Variants in TSPAN11 observed in about 807,000 individuals in gnomAD.
TSPAN11 encodes the protein tetraspanin-11.
Under a neutral mutation model 32.9 loss-of-function variants are expected in TSPAN11, and 29 were observed. The observed-to-expected ratio is 0.88, with a 90% CI of 0.66 to 1.20. TSPAN11 has a LOEUF of 1.20. TSPAN11 is among the 50% of genes most tolerant of loss of function. The probability of loss-of-function intolerance (pLI) is 0.00; values close to 1 mark genes in which losing one functional copy is unlikely to be tolerated. For missense variants in TSPAN11, 283 were observed against 329.1 expected (o/e 0.86, Z 1.08); for synonymous variants, 140 against 141.3 (o/e 0.99, Z 0.07).
intron 2 of TSPAN11, among the ~76,000 whole-genome samples, chr12:30,963,319 T>A (rs1336782802): frequency 6.6e-6 from 1 of 152,082 alleles, no homozygotes; most frequent in Non-Finnish European, 1.5e-5. Flanking sequence ...TTCTTCCTCG[T>A]AGAGTAGGGA....
intron 7 of TSPAN11, among the ~76,000 whole-genome samples, chr12:30,989,611 G>T (rs958647776): frequency 1.3e-5 from 2 of 152,178 alleles, no homozygotes; most frequent in Admixed American, 1.3e-4. Flanking sequence ...CAGGCCACTG[G>T]TGCAGCCTCA....
At chr12:30,973,327 A>G (rs1248619565) in intron 3 of TSPAN11, among the ~76,000 whole-genome samples, 1 of 152,206 alleles carries the variant, frequency 6.6e-6, no homozygotes, top group African/African-American at 2.4e-5. Context: ...AGGAGAGACC[A>G]TGCAATGTGC....
chr12:30,982,619 G>C lies in TSPAN11; in HGVS notation c.544G>C (p.Asp182His). The part of the protein sequence containing the change: ...LREAEGRQVP[D>H]SCCKTVVVRC... ...GGAGGCCGAGGGCCGCCAGGTGCCC[G>C]ACAGCTGCTGCAAGACAGTGGTGGT... The change falls in exon 6 of 8, where the codon GAC becomes CAC. Residue 182 changes from aspartate (D) to histidine (H), a missense_variant. Physicochemically the swap from Asp to His is moderately conservative, Grantham distance 81. Coordinates refer to ENST00000546076, the MANE Select transcript of TSPAN11 (RefSeq NM_001370302.1). 2 of 1,612,418 alleles carry C rather than the reference G, an allele frequency of 1.2e-6. No homozygotes were observed. The highest frequency in any genetic ancestry group is 1.7e-6 in the Non-Finnish European group (2 of 1,179,614).
intron 7 of TSPAN11, chr12:30,986,662 C>T (rs73097991): frequency 0.059 from 9,060 of 152,312 alleles, 368 homozygotes; most frequent in South Asian, 0.086. Flanking sequence ...TGTCCTGCAA[C>T]ACCTGGAGTG....
At position 30,979,488 on chromosome 12, in the gene TSPAN11, G is replaced by T. The variant is rs571456506; in HGVS notation, c.352-78G>T. The T allele has an allele frequency of 1.6e-4, 205 of 1,292,900 alleles. No homozygotes were observed. The African/African-American group carries it at 2.3e-3, about 14-fold the overall frequency. The allele number at this position is 1,292,900 out of a possible 1,614,324, so 80.1% of individuals were successfully genotyped here. ...GCAGTGTTCTAGAATTAGCTGGGGG[G>T]AGTTGGAAGTGGGCCCGGTGCCAGG... On this transcript the variant is annotated intron_variant, in intron 4 of 7. Coordinates refer to ENST00000546076, the MANE Select transcript of TSPAN11 (RefSeq NM_001370302.1).
intron 7 of TSPAN11, among the ~76,000 whole-genome samples, chr12:30,987,266 A>T (rs1177026950): frequency 6.6e-6 from 1 of 152,026 alleles, no homozygotes; most frequent in African/African-American, 2.4e-5. Context: ...GTGGGACCAG[A>T]CCTCCGCAGA....
chr12:30,949,179 C>G (rs540931151), intron 1 of TSPAN11, among the ~76,000 whole-genome samples: 2 of 152,306 alleles, frequency 1.3e-5, no homozygotes, highest in African/African-American at 4.8e-5. Context: ...CTAGGAAGTT[C>G]CAAACTTTCC....
intron 2 of TSPAN11, 118 bp from the exon 3 acceptor site, chr12:30,963,708 C>T (rs1938661327): frequency 1.7e-6 from 2 of 1,143,798 alleles, no homozygotes; most frequent in Non-Finnish European, 1.2e-6. Flanking sequence ...TTCTCGCCTC[C>T]TTTGGAGGAC....
chr12:30,928,573 T>C (rs990674128), intron 1 of TSPAN11, among the ~76,000 whole-genome samples: 2 of 152,206 alleles, frequency 1.3e-5, no homozygotes, highest in Non-Finnish European at 2.9e-5. Context: ...CTTCTTTGTA[T>C]GTGATAGCTG....
At chr12:30,947,278 G>T (rs985184238) in intron 1 of TSPAN11, among the ~76,000 whole-genome samples, 4 of 152,314 alleles carry the variant, frequency 2.6e-5, no homozygotes, top group African/African-American at 9.6e-5. Flanking sequence ...GGAAGTGGTT[G>T]CTAGAAATAG....
At chr12:30,947,623 C>G (rs1454569221) in intron 1 of TSPAN11, among the ~76,000 whole-genome samples, 1 of 152,198 alleles carries the variant, frequency 6.6e-6, no homozygotes, top group African/African-American at 2.4e-5. Context: ...GAGACTTATT[C>G]ACTGTCACGA....
At chr12:30,948,389 G>A (rs1171586644) in intron 1 of TSPAN11, among the ~76,000 whole-genome samples, 3 of 152,254 alleles carry the variant, frequency 2.0e-5, no homozygotes, top group African/African-American at 2.4e-5. Flanking sequence ...CCATGAGGGC[G>A]CCGCCCCTGC....
At position 30,944,797 on chromosome 12, in the gene TSPAN11, G is replaced by C. The variant is rs529929316; in HGVS notation, c.-11-9184G>C. ...TTTGTTTTTATTTTAGAAGCACCAA[G>C]TTCCCCAGAAGCCCTCCCCTGAGTA... On this transcript the variant is annotated intron_variant, in intron 1 of 7. Transcript: ENST00000546076. 5.9e-5 allele frequency among the ~76,000 whole-genome samples: 9 copies of C among 152,332 alleles called. No individual in the cohort carries two copies. The South Asian group carries it at 1.7e-3, about 28-fold the overall frequency.
At position 30,979,591 on chromosome 12, in the gene TSPAN11, T is replaced by C; in HGVS notation, c.377T>C (p.Leu126Ser). The C allele has an allele frequency of 6.2e-7, 1 of 1,614,186 alleles. No individual in the cohort carries two copies. ...CTGAGTGATGAACTGAAGCAGCACTTGAACCGGACTCTGGCTGAGAACTAC... is the reference window on the plus strand; with the variant it reads ...CTGAGTGATGAACTGAAGCAGCACTCGAACCGGACTCTGGCTGAGAACTAC... ...QRLSDELKQHLNRTLAENYGQ... is the reference protein window; with the variant it reads ...QRLSDELKQHSNRTLAENYGQ... The change falls in exon 5 of 8, where the codon TTG becomes TCG. Residue 126 changes from leucine (L) to serine (S), a missense_variant. By Grantham distance (145) the Leu-to-Ser change is moderately radical. Coordinates refer to ENST00000546076, the MANE Select transcript of TSPAN11 (RefSeq NM_001370302.1).
intron 1 of TSPAN11, among the ~76,000 whole-genome samples, chr12:30,950,835 C>T (rs1938366813): frequency 1.3e-5 from 2 of 152,128 alleles, no homozygotes. Context: ...AGAGACATCC[C>T]CTACACACAC....
intron 7 of TSPAN11, among the ~76,000 whole-genome samples, chr12:30,985,892 C>T (rs1474973023): frequency 6.6e-6 from 1 of 152,280 alleles, no homozygotes; most frequent in Admixed American, 6.5e-5. Context: ...ACCATGCAGT[C>T]TGTTCCTTCG....
the TSPAN11 span, among the ~76,000 whole-genome samples, chr12:31,003,757 G>A: frequency 2.0e-5 from 3 of 151,906 alleles, no homozygotes; most frequent in South Asian, 2.1e-4. Flanking sequence ...CAGCAAGACC[G>A]GCCAGAGGAC....
At chr12:30,973,895 G>A (rs1489297525) in intron 3 of TSPAN11, among the ~76,000 whole-genome samples, 1 of 152,130 alleles carries the variant, frequency 6.6e-6, no homozygotes, top group Non-Finnish European at 1.5e-5. Context: ...CCCCTCCCCA[G>A]CTCACTGAGG....
At chr12:31,003,453 C>T in the TSPAN11 span, among the ~76,000 whole-genome samples, 4 of 152,152 alleles carry the variant, frequency 2.6e-5, no homozygotes, top group Admixed American at 2.6e-4. Context: ...TGGGGGGTGG[C>T]TGGGGGAGCA....
Sources: allele counts gnomAD v4.1 joint callset (sites outside exome capture counted in the v4.1 genomes callset), GRCh38; gene constraint gnomAD v4.1.1; transcripts MANE v1.5; gene names NCBI Gene and HGNC (gene_info 2026-07-23, HGNC 2026-07-21).